Variants in C1orf50 observed in about 807,000 individuals in gnomAD.
The protein encoded by C1orf50 is chromosome 1 open reading frame 50, also known as uncharacterized protein C1orf50.
Under a neutral mutation model 23.3 loss-of-function variants are expected in C1orf50, and 22 were observed. The observed-to-expected ratio is 0.94, with a 90% CI of 0.67 to 1.35. C1orf50 has a LOEUF of 1.35. Ranked by LOEUF, C1orf50 falls within the 40% of genes most tolerant of loss-of-function variation. The probability of loss-of-function intolerance (pLI) is 0.00; values close to 1 mark genes in which losing one functional copy is unlikely to be tolerated. For synonymous variants in C1orf50, 96 were observed against 102.4 expected, an observed-to-expected ratio of 0.94 and a Z score of 0.38; for missense variants, 271 against 249.4, an observed-to-expected ratio of 1.09 and a Z score of -0.58.
chr1:42,775,015 T>G, intron 4 of C1orf50, 147 bp downstream of exon 4: 2 of 1,103,264 alleles, frequency 1.8e-6, no homozygotes, highest in Non-Finnish European at 2.6e-6. Context: ...CTAAAAAATA[T>G]ACCTGTGCTT....
At position 42,775,547 on chromosome 1, in the gene C1orf50, A is replaced by C; in HGVS notation, c.*153A>C. 1.6e-6 allele frequency: 1 copy of C among 612,674 alleles called. No homozygotes were observed. Among genetic ancestry groups the C allele is most frequent in the Admixed American group, 3.0e-5 (1 of 33,644 alleles). 38.0% of individuals were successfully genotyped at this position (612,674 alleles called of 1,614,324 possible). ...TGTAAATGCTGTCATTATGACTTTTAATTGGGATGGGAATAATCATTGAGA... is the reference window on the plus strand; with the variant it reads ...TGTAAATGCTGTCATTATGACTTTTCATTGGGATGGGAATAATCATTGAGA... On this transcript the variant is annotated 3_prime_UTR_variant, in exon 5 of 5. Transcript: ENST00000372525.
rs535157740 is a variant in C1orf50 at position 42,778,358 on chromosome 1, G to A, written c.*2964G>A. ...TGCTCTAAGAAGGGGTGTGATAGAG[G>A]TACGCATGGAATACTATGGAGCTCC... is the stretch of plus-strand genomic sequence containing the variant. On this transcript the variant is annotated 3_prime_UTR_variant, in exon 5 of 5. Coordinates refer to ENST00000372525, the MANE Select transcript of C1orf50 (RefSeq NM_024097.4). 5.3e-5 allele frequency: 8 copies of A among 152,308 alleles called. No homozygotes were observed. The South Asian group carries it at 1.7e-3, about 32-fold the overall frequency. The allele number at this position is 152,308 out of a possible 1,614,324, so 9.4% of individuals were successfully genotyped here. A position where few individuals can be genotyped will look rare whatever the true frequency, so the allele number is the denominator to read the frequency against.
intron 2 of C1orf50, among the ~76,000 whole-genome samples, chr1:42,769,179 CAG>C (rs746484723): frequency 2.6e-5 from 4 of 151,654 alleles, no homozygotes; most frequent in African/African-American, 4.9e-5. Flanking sequence ...GCCCAGGAGA[CAG>C]AGGTTGCAGT....
Position 42,773,706 on chromosome 1 carries a change from C to T in C1orf50, c.282+57C>T, listed in dbSNP as rs1325207093. On this transcript the variant is annotated intron_variant, in intron 3 of 4. Transcript: ENST00000372525. ...TTCTTTATTTAGTTCTCAGGATTGG[C>T]TGAACTTGTTTATAATCGTTGTGAC... 4 of 1,207,636 alleles carry T rather than the reference C, an allele frequency of 3.3e-6. No individual in the cohort carries two copies. In the Admixed American group the frequency reaches 5.5e-5, roughly 17 times the overall value. The allele number at this position is 1,207,636 out of a possible 1,614,324, so 74.8% of individuals were successfully genotyped here. A position where few individuals can be genotyped will look rare whatever the true frequency, so the allele number is the denominator to read the frequency against.
rs1301012718 is a variant in C1orf50, at chr1:42,767,565, C to T, written c.136C>T (p.His46Tyr). The change falls in exon 2 of 5, where the codon CAC (histidine) becomes TAC (tyrosine). Residue 46 changes from histidine (H) to tyrosine (Y), a missense_variant. Physicochemically the swap from His to Tyr is moderately conservative, Grantham distance 83. Transcript: ENST00000372525. The stretch of plus-strand genomic sequence containing the variant: ...CGGCCTGGCCCTGGTGAGCCCCTAC[C>T]ACACCCACCGGGCCGGGGACCCCTT... ...PGGLALVSPY[H>Y]THRAGDPLDL... 1 of 1,610,984 alleles carries T rather than the reference C, an allele frequency of 6.2e-7. No individual in the cohort carries two copies.
chr1:42,768,367 G>A (rs1239323570), intron 2 of C1orf50, among the ~76,000 whole-genome samples: 1 of 152,184 alleles, frequency 6.6e-6, no homozygotes, highest in African/African-American at 2.4e-5. Flanking sequence ...ACTTCCAGTT[G>A]TACACCCTCT....
chr1:42,771,186 TATA>T (rs1212781555), intron 2 of C1orf50, among the ~76,000 whole-genome samples: 1 of 152,244 alleles, frequency 6.6e-6, no homozygotes, highest in African/African-American at 2.4e-5. Flanking sequence ...TATGAGTACA[TATA>T]ATATTAGCTT....
chr1:42,767,467 C>A, intron 1 of C1orf50, 42 bp from the exon 2 acceptor site: 1 of 1,555,198 alleles, frequency 6.4e-7, no homozygotes, highest in Non-Finnish European at 8.7e-7. Context: ...GGGAGGCCGA[C>A]GGCGGGAGCT....
intron 2 of C1orf50, among the ~76,000 whole-genome samples, chr1:42,772,547 G>A (rs1486963462): frequency 2.0e-5 from 3 of 152,156 alleles, no homozygotes; most frequent in Non-Finnish European, 2.9e-5. Context: ...TTGGGAGGCC[G>A]AGGTGGGCGG....
At chr1:42,770,004 G>A (rs1349501643) in intron 2 of C1orf50, among the ~76,000 whole-genome samples, 2 of 152,168 alleles carry the variant, frequency 1.3e-5, no homozygotes, top group Admixed American at 1.3e-4. Flanking sequence ...CCTCATGTCT[G>A]TGAGTCTTAA....
intron 1 of C1orf50, 28 bp downstream of exon 1, chr1:42,767,418 A>T: frequency 6.4e-7 from 1 of 1,554,814 alleles, no homozygotes; most frequent in Non-Finnish European, 8.7e-7. Flanking sequence ...CAGCAGGGGG[A>T]AGTCAGCTCC....
intron 2 of C1orf50, among the ~76,000 whole-genome samples, chr1:42,769,109 G>T (rs936774052): frequency 6.6e-6 from 1 of 151,956 alleles, no homozygotes; most frequent in Non-Finnish European, 1.5e-5. Context: ...ACTAAAAGGT[G>T]TGGTGACTCA....
Position 42,774,779 on chromosome 1 carries a change from G to C in C1orf50, c.325G>C (p.Ala109Pro). The C allele has an allele frequency of 6.2e-7, 1 of 1,613,760 alleles. No homozygotes were observed. The highest frequency in any genetic ancestry group is 8.5e-7 in the Non-Finnish European group (1 of 1,179,820). ...CAGAGATGCCAACCTGCACCATGTA[G>C]CTTGTAATATAGTGAAAAAACCTGG... ...AHRDANLHHV[A>P]CNIVKKPGNI... The change falls in exon 4 of 5, where the codon GCT becomes CCT. Residue 109 changes from alanine (A) to proline (P), a missense_variant. Ala to Pro is a conservative substitution (Grantham distance 27). Coordinates refer to ENST00000372525, the MANE Select transcript of C1orf50 (RefSeq NM_024097.4).
chr1:42,767,320 C>G lies in C1orf50; in HGVS notation c.9C>G (p.Asp3Glu), dbSNP rs775113496. 2.0e-6 allele frequency: 3 copies of G among 1,513,214 alleles called. No homozygotes were observed. Among genetic ancestry groups the G allele is most frequent in the African/African-American group, 1.4e-5 (1 of 71,232 alleles). The allele number at this position is 1,513,214 out of a possible 1,614,324, so 93.7% of individuals were successfully genotyped here. Reference protein sequence around the residue: MEDAAAPGRTEGV... With the variant: MEEAAAPGRTEGV... ...GAGGATAAGGCGCTGTCATGGAGGACGCCGCCGCGCCGGGGCGGACCGAGG... is the reference window on the plus strand; with the variant it reads ...GAGGATAAGGCGCTGTCATGGAGGAGGCCGCCGCGCCGGGGCGGACCGAGG... Residue 3 changes from aspartate to glutamate, a missense_variant, in exon 1 of 5, where the codon GAC becomes GAG. Asp to Glu is a conservative substitution (Grantham distance 45). Transcript: ENST00000372525.
chr1:42,767,376 C>G lies in C1orf50; in HGVS notation c.65C>G (p.Ala22Gly). 1 of 1,540,156 alleles carries G rather than the reference C, an allele frequency of 6.5e-7. No homozygotes were observed. The highest frequency in any genetic ancestry group is 8.7e-7 in the Non-Finnish European group (1 of 1,147,340). The part of the protein sequence containing the change: ...GVLERQGAPP[A>G]AGQGGALVEL... Reference sequence around the variant, plus strand: ...CTTGAAAGGCAAGGAGCGCCGCCAGCTGCAGGCCAGGGAGGTATGCGGGGC... The same window carrying G: ...CTTGAAAGGCAAGGAGCGCCGCCAGGTGCAGGCCAGGGAGGTATGCGGGGC... Residue 22 changes from alanine (A) to glycine (G), a missense_variant, in exon 1 of 5, where the codon GCT becomes GGT. By Grantham distance (60) the Ala-to-Gly change is moderately conservative (BLOSUM62 0). Coordinates refer to ENST00000372525, the MANE Select transcript of C1orf50 (RefSeq NM_024097.4).
intron 2 of C1orf50, chr1:42,773,338 G>A: frequency 2.6e-6 from 1 of 385,616 alleles, no homozygotes; most frequent in Non-Finnish European, 4.8e-6. Context: ...GGAAATAGAA[G>A]AGAGCACTTA....
intron 2 of C1orf50, among the ~76,000 whole-genome samples, chr1:42,772,088 T>C (rs1417621598): frequency 6.6e-6 from 1 of 152,214 alleles, no homozygotes; most frequent in African/African-American, 2.4e-5. Context: ...GTATTAGACT[T>C]GACTTGCGAT....
intron 2 of C1orf50, among the ~76,000 whole-genome samples, chr1:42,771,928 C>G (rs1456350744): frequency 6.7e-6 from 1 of 150,148 alleles, no homozygotes; most frequent in African/African-American, 2.5e-5. Context: ...CAGTGAGCCT[C>G]TGCACCACTG....
chr1:42,773,774 GT>G (rs1431873942), intron 3 of C1orf50, 125 bp downstream of exon 3: 1 of 600,078 alleles, frequency 1.7e-6, no homozygotes, highest in Non-Finnish European at 3.0e-6. Flanking sequence ...GAGGTGTTGA[GT>G]AAAATAGAAG....
Sources: allele counts gnomAD v4.1 joint callset (sites outside exome capture counted in the v4.1 genomes callset), GRCh38; gene constraint gnomAD v4.1.1; transcripts MANE v1.5; gene names NCBI Gene and HGNC (gene_info 2026-07-23, HGNC 2026-07-21).